The following TTLL5 variants were observed in gnomAD, a reference collection of about 807,000 sequenced individuals.
The protein encoded by TTLL5 is tubulin tyrosine ligase like 5, also known as tubulin polyglutamylase TTLL5.
In TTLL5, 132 loss-of-function variants were observed where a neutral mutation model predicts 168.4. That is an observed-to-expected ratio of 0.78 (90% CI 0.68 to 0.91). The LOEUF (loss-of-function observed/expected upper bound fraction) is 0.91. Ranked by LOEUF, TTLL5 falls within the 40% of genes least tolerant of loss-of-function variation. TTLL5 has a pLI of 0.00. For missense variants in TTLL5, 1,545 were observed against 1,581.5 expected, an observed-to-expected ratio of 0.98 and a Z score of 0.39; for synonymous variants, 546 against 558.6, an observed-to-expected ratio of 0.98 and a Z score of 0.32.
intron 31 of TTLL5, among the ~76,000 whole-genome samples, chr14:75,914,716 C>T (rs1338829883): frequency 2.0e-5 from 3 of 149,652 alleles, no homozygotes; most frequent in Admixed American, 6.7e-5. Context: ...CTCCGCCTCC[C>T]AGGTTCACGC....
chr14:75,949,410 G>A (rs2034881868), intron 31 of TTLL5, among the ~76,000 whole-genome samples: 1 of 128,688 alleles, frequency 7.8e-6, no homozygotes, highest in South Asian at 2.4e-4. Flanking sequence ...TATATATATG[G>A]TTTTATAGAG....
chr14:75,915,083 A>G (rs2033566485), intron 31 of TTLL5, among the ~76,000 whole-genome samples: 1 of 152,190 alleles, frequency 6.6e-6, no homozygotes, highest in African/African-American at 2.4e-5. Context: ...TATTTGGAAA[A>G]CATTCGCTTT....
intron 3 of TTLL5, among the ~76,000 whole-genome samples, chr14:75,680,615 ATTTTTTT>A (rs35254410): frequency 9.8e-6 from 1 of 102,006 alleles, no homozygotes; most frequent in Non-Finnish European, 1.9e-5. Flanking sequence ...TAGAGCAGGG[ATTTTTTT>A]TTTTTTTTTT....
chr14:75,662,862 A>G (rs1566805028), intron 1 of TTLL5, among the ~76,000 whole-genome samples, 193 bp from the exon 2 acceptor site: 1 of 152,208 alleles, frequency 6.6e-6, no homozygotes, highest in Non-Finnish European at 1.5e-5. Flanking sequence ...TTTGAAAAAA[A>G]TCTTGATTTT....
chr14:75,926,719 A>G (rs979499042), intron 31 of TTLL5, among the ~76,000 whole-genome samples: 4 of 152,214 alleles, frequency 2.6e-5, no homozygotes, highest in Non-Finnish European at 1.5e-5. Context: ...GTGGAAATGT[A>G]AAATGGCGCA....
intron 5 of TTLL5, chr14:75,689,930 T>C: frequency 2.9e-6 from 1 of 346,206 alleles, no homozygotes; most frequent in Non-Finnish European, 5.2e-6. Flanking sequence ...TTGTATGTGT[T>C]TGTCCAAACT....
chr14:75,858,773 T>C (rs1897263278), intron 28 of TTLL5, among the ~76,000 whole-genome samples: 1 of 152,240 alleles, frequency 6.6e-6, no homozygotes, highest in South Asian at 2.1e-4. Flanking sequence ...CAAAGTGCCA[T>C]TGAAGTGAAT....
chr14:75,842,808 A>C (rs1293981395), intron 28 of TTLL5, among the ~76,000 whole-genome samples: 1 of 152,094 alleles, frequency 6.6e-6, no homozygotes, highest in Non-Finnish European at 1.5e-5. Flanking sequence ...CTTCCTGTAA[A>C]CCCAGCGGCT....
chr14:75,710,432 AC>A (rs1886992082), intron 9 of TTLL5: 1 of 151,662 alleles, frequency 6.6e-6, no homozygotes, highest in Middle Eastern at 3.2e-3. Context: ...ACACACACAC[AC>A]ACACAATGGA....
chr14:75,730,096 G>A (rs893649562), intron 12 of TTLL5, among the ~76,000 whole-genome samples: 3 of 152,158 alleles, frequency 2.0e-5, no homozygotes, highest in Non-Finnish European at 4.4e-5. Flanking sequence ...TTATGAAACA[G>A]TTGAATCCTG....
At chr14:75,845,677 C>T (rs1354528923) in intron 28 of TTLL5, among the ~76,000 whole-genome samples, 5 of 152,104 alleles carry the variant, frequency 3.3e-5, no homozygotes, top group East Asian at 3.9e-4. Flanking sequence ...TTGTTATCCT[C>T]GTGTGTAAAT....
intron 27 of TTLL5, among the ~76,000 whole-genome samples, chr14:75,801,941 G>T (rs921859696): frequency 2.0e-5 from 3 of 152,050 alleles, no homozygotes; most frequent in Non-Finnish European, 4.4e-5. Context: ...CTGGAGTTAG[G>T]GCCTGAAAAC....
intron 6 of TTLL5, among the ~76,000 whole-genome samples, chr14:75,691,001 A>G (rs1885420871): frequency 6.6e-6 from 1 of 152,118 alleles, no homozygotes; most frequent in South Asian, 2.1e-4. Flanking sequence ...ATTTAAGAAC[A>G]TTCTTTCAGC....
chr14:75,944,421 TG>T (rs1425812738), intron 31 of TTLL5, among the ~76,000 whole-genome samples: 4 of 152,068 alleles, frequency 2.6e-5, no homozygotes, highest in Non-Finnish European at 5.9e-5. Flanking sequence ...CTGTCTCCCT[TG>T]GGCCTGGCTG....
At chr14:75,869,062 GTT>G (rs1566638123) in intron 29 of TTLL5, among the ~76,000 whole-genome samples, 2 of 144,328 alleles carry the variant, frequency 1.4e-5, no homozygotes, top group South Asian at 2.3e-4. Flanking sequence ...GTGTGTGTGT[GTT>G]TAAGTTCCAG....
Position 75,783,363 on chromosome 14 carries a change from C to T in TTLL5, c.2819C>T (p.Ser940Phe), listed in dbSNP as rs771654537. ...CCAACAATTTTACTGAACACAGTCT[C>T]TGCCAGTGCTTCTCCCTGCCTACAT... The part of the protein sequence containing the change: ...HQPTILLNTV[S>F]ASASPCLHPG... Residue 940 changes from serine (S) to phenylalanine (F), a missense_variant, in exon 26 of 32, where the codon TCT (serine) becomes TTT (phenylalanine). Ser to Phe is a radical substitution (Grantham distance 155, BLOSUM62 -2). Transcript: ENST00000298832. 6.2e-7 allele frequency: 1 copy of T among 1,614,236 alleles called. No individual in the cohort carries two copies. The highest frequency in any genetic ancestry group is 1.7e-5 in the Admixed American group (1 of 60,024).
At chr14:75,737,739 GAATGAA>G in intron 15 of TTLL5, 1 of 847,110 alleles carries the variant, frequency 1.2e-6, no homozygotes, top group African/African-American at 1.7e-5. Flanking sequence ...ATAACAAAGT[GAATGAA>G]AATGAATGCA....
intron 27 of TTLL5, among the ~76,000 whole-genome samples, chr14:75,818,931 A>G (rs1476377377): frequency 6.6e-6 from 1 of 152,212 alleles, no homozygotes; most frequent in African/African-American, 2.4e-5. Flanking sequence ...TATTCACAGT[A>G]TAATGTAGTG....
chr14:75,697,483 G>A (rs1163810209), intron 6 of TTLL5, among the ~76,000 whole-genome samples: 1 of 152,168 alleles, frequency 6.6e-6, no homozygotes, highest in Non-Finnish European at 1.5e-5. Flanking sequence ...GGAAGATGGG[G>A]GAGAGTGGAC....
Sources: gnomAD v4.1 joint callset for allele counts (sites outside exome capture counted in the v4.1 genomes callset) on GRCh38, gnomAD v4.1.1 for gene constraint, MANE v1.5 for transcripts, NCBI Gene and HGNC (gene_info 2026-07-23, HGNC 2026-07-21) for gene names.